Variants in IPO11 observed in about 807,000 individuals in gnomAD.
IPO11 encodes the protein importin-11.
Under a neutral mutation model 143.2 loss-of-function variants are expected in IPO11, and 66 were observed. The ratio of observed to expected loss-of-function variants is 0.46; its 90% CI spans 0.38 to 0.57. The LOEUF is 0.57. Ranked by LOEUF, IPO11 falls within the 20% of genes least tolerant of loss-of-function variation. The probability of loss-of-function intolerance (pLI) is 0.00; values close to 1 mark genes in which losing one functional copy is unlikely to be tolerated. For synonymous variants in IPO11, 385 were observed against 377.8 expected, an observed-to-expected ratio of 1.02 and a Z score of -0.22; for missense variants, 1,026 against 1,141.0, an observed-to-expected ratio of 0.90 and a Z score of 1.45.
intron 27 of IPO11, among the ~76,000 whole-genome samples, chr5:62,574,153 T>C (rs566819166): frequency 3.9e-5 from 6 of 152,232 alleles, no homozygotes; most frequent in Non-Finnish European, 7.3e-5. Flanking sequence ...TTCAATACAG[T>C]CTTCATTCAT....
At chr5:62,534,015 C>A (rs1452385381) in intron 22 of IPO11, among the ~76,000 whole-genome samples, 8 of 150,934 alleles carry the variant, frequency 5.3e-5, no homozygotes, top group African/African-American at 1.9e-4. Flanking sequence ...ATAAAGCCAA[C>A]ATTATAGAAC....
At chr5:62,526,081 T>C in intron 20 of IPO11, 61 bp from the exon 21 acceptor site, 1 of 1,057,002 alleles carries the variant, frequency 9.5e-7, no homozygotes, top group Admixed American at 2.1e-5. Flanking sequence ...ATAGGTAATT[T>C]TTTGGTGCGG....
intron 1 of IPO11, among the ~76,000 whole-genome samples, chr5:62,435,074 A>ATATATATGTATATATATGTG (rs1420861544): frequency 1.9e-5 from 2 of 103,248 alleles, no homozygotes; most frequent in Non-Finnish European, 4.0e-5. Context: ...ATATATATGT[A>ATATATATGTATATATATGTG]TATATATGTG....
chr5:62,435,525 G>A (rs1396504226), intron 1 of IPO11, among the ~76,000 whole-genome samples: 2 of 152,020 alleles, frequency 1.3e-5, no homozygotes, highest in East Asian at 1.9e-4. Flanking sequence ...TTGAGATCGC[G>A]GCTGCCGTGA....
At chr5:62,523,912 T>C (rs531006600) in intron 20 of IPO11, among the ~76,000 whole-genome samples, 1 of 150,102 alleles carries the variant, frequency 6.7e-6, no homozygotes, top group African/African-American at 2.5e-5. Flanking sequence ...TATTTTTTTT[T>C]AAACTTTTCT....
intron 21 of IPO11, among the ~76,000 whole-genome samples, chr5:62,528,983 A>C (rs1742455834): frequency 6.6e-6 from 1 of 152,150 alleles, no homozygotes; most frequent in South Asian, 2.1e-4. Context: ...GGCTTTTCAA[A>C]AACAACCTTT....
At chr5:62,520,729 A>G (rs893154798) in intron 20 of IPO11, among the ~76,000 whole-genome samples, 2 of 152,210 alleles carry the variant, frequency 1.3e-5, no homozygotes, top group African/African-American at 4.8e-5. Context: ...TATATGTGCC[A>G]TGTTTTCTTA....
chr5:62,579,904 G>A (rs1744479811), intron 27 of IPO11: 22 of 1,551,160 alleles, frequency 1.4e-5, no homozygotes, highest in Non-Finnish European at 1.8e-5. Flanking sequence ...TAATGATCTA[G>A]TTTCAGTTCA....
At chr5:62,555,715 A>G (rs1051027086) in intron 26 of IPO11, among the ~76,000 whole-genome samples, 6 of 152,012 alleles carry the variant, frequency 3.9e-5, no homozygotes, top group African/African-American at 1.4e-4. Flanking sequence ...ATGTTAGCCA[A>G]GATGGTCTTG....
intron 27 of IPO11, among the ~76,000 whole-genome samples, chr5:62,577,771 G>A (rs1362742932): frequency 4.6e-5 from 7 of 151,834 alleles, no homozygotes; most frequent in African/African-American, 1.7e-4. Context: ...TTTCTAATAT[G>A]GACATAATTC....
At chr5:62,523,510 T>C (rs1053261955) in intron 20 of IPO11, among the ~76,000 whole-genome samples, 1 of 144,378 alleles carries the variant, frequency 6.9e-6, no homozygotes, top group African/African-American at 2.5e-5. Flanking sequence ...TAAGGTCAAA[T>C]AGACTAGGAG....
chr5:62,514,217 G>A (rs1452230984), intron 19 of IPO11, among the ~76,000 whole-genome samples: 1 of 152,092 alleles, frequency 6.6e-6, no homozygotes, highest in African/African-American at 2.4e-5. Flanking sequence ...TGCAATCTCT[G>A]CACTTTGGGG....
intron 20 of IPO11, among the ~76,000 whole-genome samples, chr5:62,517,682 C>G (rs752396739): frequency 6.6e-6 from 1 of 152,184 alleles, no homozygotes; most frequent in African/African-American, 2.4e-5. Context: ...GGATTACAGG[C>G]GTGAGCCACT....
At position 62,487,822 on chromosome 5, in the gene IPO11, C is replaced by G; in HGVS notation, c.1270C>G (p.Leu424Val). Residue 424 changes from leucine to valine, a missense_variant, in exon 13 of 30, where the codon CTT (leucine) becomes GTT (valine). Around this residue, in one of 5 missense-constraint regions of IPO11, gnomAD observed 237 missense variants for 288.0 expected, o/e 0.82. Transcript: ENST00000325324. ...TATATTCCATGAATATAATCAGACTCTTACTCCTGTACTTCTAGAAATGAT... is the reference window on the plus strand; with the variant it reads ...TATATTCCATGAATATAATCAGACTGTTACTCCTGTACTTCTAGAAATGAT... ...IDIFHEYNQT[L>V]TPVLLEMMQT... 2 of 1,610,114 alleles carry G rather than the reference C, an allele frequency of 1.2e-6. No individual in the cohort carries two copies. The highest frequency in any genetic ancestry group is 1.3e-5 in the African/African-American group (1 of 74,804).
rs1402798969 is a variant in IPO11 at position 62,506,360 on chromosome 5, AATTAT to A, written c.1782+7_1782+11del. On this transcript the variant is annotated splice_donor_5th_base_variant and intron_variant, in intron 19 of 29. Coordinates refer to ENST00000325324, the MANE Select transcript of IPO11 (RefSeq NM_016338.5). ...TGATCGAAAGAGTCAACATGCAGGTAATTATATTGTAAAACATGAAAATAAATGAG... is the reference window on the plus strand; with the variant it reads ...TGATCGAAAGAGTCAACATGCAGGTAATTGTAAAACATGAAAATAAATGAG... 1 of 1,533,260 alleles carries A rather than the reference AATTAT, an allele frequency of 6.5e-7. No individual in the cohort carries two copies. The highest frequency in any genetic ancestry group is 1.4e-5 in the African/African-American group (1 of 73,086). The allele number at this position is 1,533,260 out of a possible 1,614,324, so 95.0% of individuals were successfully genotyped here.
intron 24 of IPO11, among the ~76,000 whole-genome samples, chr5:62,542,035 A>G (rs1742967426): frequency 2.0e-5 from 3 of 151,896 alleles, no homozygotes. Context: ...GCACAACATG[A>G]CAAGACTGCA....
In IPO11 at chr5:62,581,584, A is replaced by G. The variant is rs1580349901; in HGVS notation, c.2583-9993A>G. The G allele has an allele frequency of 2.7e-5, 8 of 297,928 alleles. No homozygotes were observed. In the East Asian group the frequency reaches 5.3e-4, roughly 20 times the overall value. 18.5% of individuals were successfully genotyped at this position (297,928 alleles called of 1,614,324 possible). ...CATTTAATCTGTGAATAGTCTTGAA[A>G]GGTGGCACTATTTATACTTTACAGG... On this transcript the variant is annotated intron_variant, in intron 27 of 29. Coordinates refer to ENST00000325324, the MANE Select transcript of IPO11 (RefSeq NM_016338.5).
intron 1 of IPO11, among the ~76,000 whole-genome samples, chr5:62,431,813 C>T (rs1417165603): frequency 3.3e-5 from 5 of 152,080 alleles, no homozygotes; most frequent in Middle Eastern, 3.4e-3. Context: ...TGGTGGTGCC[C>T]GCCTATAATC....
chr5:62,582,368 TC>T (rs1161407402), intron 27 of IPO11, among the ~76,000 whole-genome samples: 2 of 152,076 alleles, frequency 1.3e-5, no homozygotes, highest in Non-Finnish European at 2.9e-5. Context: ...GAGGGAGAAG[TC>T]AAAGATGTTA....
Sources: gnomAD v4.1 joint callset for allele counts (sites outside exome capture counted in the v4.1 genomes callset) on GRCh38, gnomAD v4.1.1 for gene constraint, gnomAD v4.1.1 regional missense constraint, MANE v1.5 for transcripts, NCBI Gene and HGNC (gene_info 2026-07-23, HGNC 2026-07-21) for gene names.